The following GGNBP2 variants were observed in gnomAD, a reference collection of about 807,000 sequenced individuals.
GGNBP2 encodes the protein gametogenetin-binding protein 2.
GGNBP2 carries 10 observed loss-of-function variants against 85.9 expected under a neutral mutation model. The observed-to-expected ratio is 0.12, with a 90% CI of 0.07 to 0.20. The LOEUF is 0.20. GGNBP2 is among the 10% of genes least tolerant of loss of function. The pLI, the probability that GGNBP2 is intolerant of heterozygous loss-of-function variation, is 1.00. For synonymous variants in GGNBP2, 287 were observed against 285.7 expected (o/e 1.00, Z -0.05); for missense variants, 595 against 857.8 (o/e 0.69, Z 3.83).
At chr17:36,558,536 A>G (rs1045154819) in intron 4 of GGNBP2, among the ~76,000 whole-genome samples, 1 of 149,516 alleles carries the variant, frequency 6.7e-6, no homozygotes, top group African/African-American at 2.5e-5. Context: ...GCTCACTGCA[A>G]CCACTGCCTC....
chr17:36,560,243 C>T lies in GGNBP2; in HGVS notation c.429-530C>T, dbSNP rs73278824. ...AAAGTGCTGGGATTATAGGCATGAG[C>T]TACTGCACCAGGCCTGATTCTAGAT... On this transcript the variant is annotated intron_variant, in intron 4 of 13. Coordinates refer to ENST00000613102, the MANE Select transcript of GGNBP2 (RefSeq NM_024835.5). Among the ~76,000 whole-genome samples the T allele has an allele frequency of 4.4e-3, 669 of 152,250 alleles. 8 individuals carry two copies. Among genetic ancestry groups the T allele is most frequent in the African/African-American group, 0.016 (656 of 41,530 alleles).
intron 2 of GGNBP2, 54 bp from the exon 3 acceptor site, chr17:36,554,766 A>G (rs2142699275): frequency 2.8e-6 from 3 of 1,089,620 alleles, no homozygotes; most frequent in South Asian, 1.2e-5. Context: ...TGTAGGCTGT[A>G]TCCTGTTCTC....
chr17:36,587,411 G>A (rs1168964005), intron 13 of GGNBP2, 166 bp downstream of exon 13: 5 of 747,024 alleles, frequency 6.7e-6, no homozygotes, highest in Admixed American at 2.3e-5. Flanking sequence ...CCTTCCACTC[G>A]TGGTTTATGC....
At chr17:36,581,608 G>T in intron 9 of GGNBP2, 70 bp downstream of exon 9, 1 of 1,195,486 alleles carries the variant, frequency 8.4e-7, no homozygotes, top group Non-Finnish European at 1.2e-6. Context: ...GGCCAGGTGT[G>T]GTGGCTCACG....
chr17:36,559,868 ACT>A (rs2074400232), intron 4 of GGNBP2, among the ~76,000 whole-genome samples: 2 of 151,902 alleles, frequency 1.3e-5, no homozygotes, highest in African/African-American at 4.8e-5. Flanking sequence ...ACAAAGTCTC[ACT>A]CTGTCTCAAG....
At chr17:36,553,379 ACT>A (rs1378751477) in intron 2 of GGNBP2, among the ~76,000 whole-genome samples, 1 of 151,416 alleles carries the variant, frequency 6.6e-6, no homozygotes, top group East Asian at 1.9e-4. Context: ...ATCAAGAAAA[ACT>A]CTTAAATCTA....
At position 36,545,459 on chromosome 17, in the gene GGNBP2, C is replaced by G. The variant is rs1056518982; in HGVS notation, c.-106-160C>G. The G allele has an allele frequency of 2.6e-4, 106 of 401,852 alleles. 1 individual carries two copies. The highest frequency in any genetic ancestry group is 2.1e-3 in the African/African-American group (102 of 48,288). The allele number at this position is 401,852 out of a possible 1,614,324, so 24.9% of individuals were successfully genotyped here. On this transcript the variant is annotated intron_variant, in intron 1 of 13. Coordinates refer to ENST00000613102, the MANE Select transcript of GGNBP2 (RefSeq NM_024835.5). Reference sequence around the variant, plus strand: ...GGAGCGCGGCGCGAGGGGGGCGGGTCCCGGCGGCGCTGGGCGCTGATTGGC... The same window carrying G: ...GGAGCGCGGCGCGAGGGGGGCGGGTGCCGGCGGCGCTGGGCGCTGATTGGC...
At chr17:36,577,632 T>C in intron 6 of GGNBP2, 1 of 289,792 alleles carries the variant, frequency 3.5e-6, no homozygotes, top group East Asian at 9.0e-5. Context: ...TTGCCTCTAT[T>C]GTTTTATTTC....
intron 13 of GGNBP2, among the ~76,000 whole-genome samples, chr17:36,588,594 ATATT>A (rs1379826544): frequency 6.7e-6 from 1 of 148,774 alleles, no homozygotes; most frequent in Non-Finnish European, 1.5e-5. Context: ...TTTAGTTTTA[ATATT>A]TATTTATTTT....
intron 5 of GGNBP2, among the ~76,000 whole-genome samples, 184 bp downstream of exon 5, chr17:36,561,055 T>C (rs1282559754): frequency 6.6e-6 from 1 of 152,188 alleles, no homozygotes; most frequent in Non-Finnish European, 1.5e-5. Flanking sequence ...ATATAAAGTC[T>C]CAATGTAGAT....
intron 12 of GGNBP2, 90 bp from the exon 13 acceptor site, chr17:36,586,907 C>T (rs554944796): frequency 2.0e-5 from 26 of 1,301,142 alleles, no homozygotes; most frequent in Middle Eastern, 4.9e-4. Flanking sequence ...GCATGAGCCA[C>T]CGTGCCCCGC....
chr17:36,568,391 C>T (rs1014507870), intron 6 of GGNBP2, among the ~76,000 whole-genome samples: 12 of 152,010 alleles, frequency 7.9e-5, no homozygotes, highest in Admixed American at 4.6e-4. Context: ...CCGCCTCCCG[C>T]GTTCCAGCGG....
chr17:36,585,245 A>G, intron 9 of GGNBP2, 55 bp from the exon 10 acceptor site: 2 of 1,457,412 alleles, frequency 1.4e-6, no homozygotes, highest in Non-Finnish European at 1.9e-6. Context: ...AGGGAATAAA[A>G]TGTAGCTGTT....
intron 5 of GGNBP2, among the ~76,000 whole-genome samples, chr17:36,565,693 C>T (rs1191826370): frequency 6.6e-6 from 1 of 152,038 alleles, no homozygotes; most frequent in Non-Finnish European, 1.5e-5. Context: ...GTCAGGAGTT[C>T]GCGACCAGCC....
chr17:36,559,437 A>G (rs1015646653), intron 4 of GGNBP2, among the ~76,000 whole-genome samples: 4 of 152,134 alleles, frequency 2.6e-5, no homozygotes, highest in African/African-American at 9.7e-5. Flanking sequence ...AATAGAATTC[A>G]GAGAGGTCTG....
chr17:36,583,991 A>T (rs1039913980), intron 9 of GGNBP2, among the ~76,000 whole-genome samples: 2 of 152,206 alleles, frequency 1.3e-5, no homozygotes, highest in African/African-American at 4.8e-5. Flanking sequence ...ATTTATTTCA[A>T]AGTTCACTGA....
At chr17:36,574,738 G>T in intron 6 of GGNBP2, 3 of 627,418 alleles carry the variant, frequency 4.8e-6, no homozygotes, top group South Asian at 3.7e-5. Flanking sequence ...CGATGCCAGT[G>T]CCTCTGGGCG....
intron 7 of GGNBP2, 59 bp downstream of exon 7, chr17:36,578,245 GAA>G (rs2074611182): frequency 6.2e-6 from 8 of 1,298,672 alleles, no homozygotes; most frequent in Non-Finnish European, 8.6e-6. Context: ...TTTTATTACT[GAA>G]AGTTTATTTT....
chr17:36,556,182 A>T (rs2074359214), intron 3 of GGNBP2, among the ~76,000 whole-genome samples: 1 of 152,138 alleles, frequency 6.6e-6, no homozygotes, highest in Admixed American at 6.5e-5. Context: ...GCTCTCAGTT[A>T]TTTTTCTACC....
Sources: allele counts gnomAD v4.1 joint callset (sites outside exome capture counted in the v4.1 genomes callset), GRCh38; gene constraint gnomAD v4.1.1; transcripts MANE v1.5; gene names NCBI Gene and HGNC (gene_info 2026-07-23, HGNC 2026-07-21).